LIX1: variants seen among roughly 807,000 people sequenced by gnomAD.
The protein encoded by LIX1 is limb and CNS expressed 1, also known as protein limb expression 1 homolog.
Under a neutral mutation model 33.4 loss-of-function variants are expected in LIX1, and 24 were observed. The ratio of observed to expected loss-of-function variants is 0.72; its 90% CI spans 0.52 to 1.01. The LOEUF (loss-of-function observed/expected upper bound fraction) is 1.01, where lower values mean the gene tolerates loss of function less well. LIX1 is among the 50% of genes least tolerant of loss of function. LIX1 has a pLI of 0.00. For missense variants in LIX1, 311 were observed against 339.2 expected, an observed-to-expected ratio of 0.92 and a Z score of 0.65; for synonymous variants, 124 against 124.0, an observed-to-expected ratio of 1.00 and a Z score of 0.00.
rs934445159 is a variant in LIX1 at position 97,120,239 on chromosome 5, A to G, written c.246+4227T>C. Among the ~76,000 whole-genome samples the G allele has an allele frequency of 2.0e-5, 3 of 152,214 alleles. No individual in the cohort carries two copies. The East Asian group carries it at 5.8e-4, about 29-fold the overall frequency. On this transcript the variant is annotated intron_variant, in intron 2 of 5. Coordinates refer to ENST00000274382, the MANE Select transcript of LIX1 (RefSeq NM_153234.5). ...GAATGATCTTAGCTGACTATTGGTT[A>G]CATACAAGAATGGACAAACATTAAC...
intron 2 of LIX1, among the ~76,000 whole-genome samples, chr5:97,110,183 C>A (rs1441026450): frequency 6.6e-6 from 1 of 152,168 alleles, no homozygotes; most frequent in Non-Finnish European, 1.5e-5. Context: ...ATTACTTGAG[C>A]ATCCTCCACT....
intron 2 of LIX1, among the ~76,000 whole-genome samples, chr5:97,117,058 A>C (rs986264378): frequency 3.9e-5 from 6 of 152,216 alleles, no homozygotes; most frequent in African/African-American, 1.4e-4. Flanking sequence ...GGAATAAATA[A>C]AGGGTCTCAT....
intron 1 of LIX1, among the ~76,000 whole-genome samples, 179 bp from the exon 2 acceptor site, chr5:97,124,808 T>C (rs1476407990): frequency 6.6e-6 from 1 of 152,194 alleles, no homozygotes; most frequent in Non-Finnish European, 1.5e-5. Flanking sequence ...TATTTAAATA[T>C]ATTTAAAGTA....
chr5:97,103,227 A>C, intron 4 of LIX1: 1 of 346,720 alleles, frequency 2.9e-6, no homozygotes, highest in Non-Finnish European at 5.5e-6. Context: ...CTTTTATCCT[A>C]CAATAGGGGC....
At chr5:97,126,533 T>C in intron 1 of LIX1, among the ~76,000 whole-genome samples, 1 of 152,160 alleles carries the variant, frequency 6.6e-6, no homozygotes, top group East Asian at 1.9e-4. Flanking sequence ...AGTGAGGGGA[T>C]ACTTGAGTTA....
At chr5:97,137,535 T>C (rs1748197388) in intron 1 of LIX1, among the ~76,000 whole-genome samples, 1 of 152,048 alleles carries the variant, frequency 6.6e-6, no homozygotes, top group African/African-American at 2.4e-5. Context: ...TTCCTTAGTA[T>C]AAATTCAAAT....
chr5:97,128,530 C>T (rs1397869650), intron 1 of LIX1, among the ~76,000 whole-genome samples: 1 of 152,116 alleles, frequency 6.6e-6, no homozygotes, highest in Non-Finnish European at 1.5e-5. Flanking sequence ...AAACTATTCT[C>T]CTGCATCTCC....
Position 97,092,663 on chromosome 5 carries a change from A to G in LIX1, c.*2085T>C, listed in dbSNP as rs182828037. 2.0e-5 allele frequency: 3 copies of G among 152,488 alleles called. No homozygotes were observed. Among genetic ancestry groups the G allele is most frequent in the East Asian group, 1.9e-4 (1 of 5,326 alleles). The allele number at this position is 152,488 out of a possible 1,614,324, so 9.4% of individuals were successfully genotyped here. On this transcript the variant is annotated 3_prime_UTR_variant, in exon 6 of 6. Transcript: ENST00000274382. The stretch of plus-strand genomic sequence containing the variant: ...TATATTCAATTTACAGAATGGGTGC[A>G]GTTTTTAACTTGTAGGGCACAAAGT...
intron 4 of LIX1, among the ~76,000 whole-genome samples, chr5:97,099,043 A>T (rs1242920389): frequency 6.6e-6 from 1 of 152,166 alleles, no homozygotes; most frequent in Non-Finnish European, 1.5e-5. Flanking sequence ...ATTAAAACAC[A>T]CATGAATACC....
At chr5:97,136,514 G>C (rs149029161) in intron 1 of LIX1, among the ~76,000 whole-genome samples, 2 of 152,292 alleles carry the variant, frequency 1.3e-5, no homozygotes, top group East Asian at 3.9e-4. Context: ...TTACCTGGGG[G>C]TTACAGAAAA....
At chr5:97,140,229 T>C (rs748108082) in intron 1 of LIX1, among the ~76,000 whole-genome samples, 21 of 152,100 alleles carry the variant, frequency 1.4e-4, no homozygotes, top group Non-Finnish European at 2.6e-4. Flanking sequence ...TGTGTGTGCA[T>C]GTGTGTGTGT....
chr5:97,108,071 T>G lies in LIX1; in HGVS notation c.247-571A>C, dbSNP rs566920263. Reference sequence around the variant, plus strand: ...GTTGAGGTTAGGATCAATTGGTTAATATAGATGAAGCACTGGAAATACCTG... The same window carrying G: ...GTTGAGGTTAGGATCAATTGGTTAAGATAGATGAAGCACTGGAAATACCTG... On this transcript the variant is annotated intron_variant, in intron 2 of 5. Transcript: ENST00000274382. 3.3e-5 allele frequency among the ~76,000 whole-genome samples: 5 copies of G among 152,214 alleles called. No homozygotes were observed. The East Asian group carries it at 5.8e-4, about 18-fold the overall frequency.
intron 1 of LIX1, 115 bp from the exon 2 acceptor site, chr5:97,124,744 CT>C: frequency 1.3e-6 from 1 of 753,612 alleles, no homozygotes; most frequent in Non-Finnish European, 2.1e-6. Flanking sequence ...TTAAGTAGAG[CT>C]GGGTATGTGG....
At chr5:97,096,912 T>G (rs1442752428) in intron 4 of LIX1, 25 bp from the exon 5 acceptor site, 1 of 1,583,638 alleles carries the variant, frequency 6.3e-7, no homozygotes, top group African/African-American at 1.3e-5. Flanking sequence ...CACCTATCAT[T>G]GGTCCCAAAG....
intron 4 of LIX1, among the ~76,000 whole-genome samples, chr5:97,103,937 CCTGGG>C: frequency 6.8e-6 from 1 of 147,634 alleles, no homozygotes; most frequent in Middle Eastern, 3.5e-3. Flanking sequence ...TGCACTCCAG[CCTGGG>C]CGACAGAGCT....
chr5:97,118,423 CAAT>C (rs1177359934), intron 2 of LIX1, among the ~76,000 whole-genome samples: 1 of 152,164 alleles, frequency 6.6e-6, no homozygotes, highest in African/African-American at 2.4e-5. Flanking sequence ...GCTGCTGCAA[CAAT>C]GAGTGGCTTT....
rs143371581 is a variant in LIX1, at chr5:97,116,503, G to T, written c.246+7963C>A. On this transcript the variant is annotated intron_variant, in intron 2 of 5. Transcript: ENST00000274382. ...ACTCACCAGTTCCTGTCAACTGAAA[G>T]AAATGTTTCATGCACATGGTGGGTC... 3.4e-3 allele frequency among the ~76,000 whole-genome samples: 521 copies of T among 152,138 alleles called. 12 individuals carry two copies. The highest frequency in any genetic ancestry group is 0.03 in the Admixed American group (455 of 15,276).
At chr5:97,116,588 T>G (rs887239567) in intron 2 of LIX1, among the ~76,000 whole-genome samples, 2 of 152,228 alleles carry the variant, frequency 1.3e-5, no homozygotes, top group African/African-American at 4.8e-5. Flanking sequence ...TCTGCCGCAA[T>G]GCTATTCTAC....
intron 2 of LIX1, among the ~76,000 whole-genome samples, chr5:97,118,692 A>G (rs1355047881): frequency 6.7e-6 from 1 of 148,704 alleles, no homozygotes; most frequent in East Asian, 1.9e-4. Flanking sequence ...CAACTTTCTG[A>G]AAAAAAAATT....
Sources: allele counts gnomAD v4.1 joint callset (sites outside exome capture counted in the v4.1 genomes callset), GRCh38; gene constraint gnomAD v4.1.1; transcripts MANE v1.5; gene names NCBI Gene and HGNC (gene_info 2026-07-23, HGNC 2026-07-21).